CACNA2D3: variants seen among roughly 807,000 people sequenced by gnomAD.
CACNA2D3 encodes the protein calcium voltage-gated channel auxiliary subunit alpha2delta 3.
CACNA2D3 carries 60 observed loss-of-function variants against 160.6 expected under a neutral mutation model. The observed-to-expected ratio is 0.37, with a 90% confidence interval of 0.30 to 0.46. The LOEUF (loss-of-function observed/expected upper bound fraction) is 0.46, where lower values mean the gene tolerates loss of function less well. Among genes scored for constraint, CACNA2D3 ranks in the 20% least tolerant of loss-of-function variants. CACNA2D3 has a pLI of 1.00. For missense variants in CACNA2D3, 1,205 were observed against 1,365.0 expected (o/e 0.88, Z 1.85); for synonymous variants, 558 against 492.9 (o/e 1.13, Z -1.75).
intron 4 of CACNA2D3, among the ~76,000 whole-genome samples, chr3:54,468,008 G>C (rs993446015): frequency 6.6e-6 from 1 of 152,138 alleles, no homozygotes; most frequent in Non-Finnish European, 1.5e-5. Flanking sequence ...CAATTATGAT[G>C]TGTCAATTGT....
chr3:54,977,949 G>A (rs1024754601), intron 29 of CACNA2D3, among the ~76,000 whole-genome samples: 1 of 152,266 alleles, frequency 6.6e-6, no homozygotes, highest in Non-Finnish European at 1.5e-5. Context: ...GCTAAACAAT[G>A]GGTGGATTAT....
intron 9 of CACNA2D3, among the ~76,000 whole-genome samples, chr3:54,612,296 C>T (rs965512396): frequency 1.3e-5 from 2 of 152,210 alleles, no homozygotes; most frequent in Admixed American, 1.3e-4. Flanking sequence ...GGGCCTTCTC[C>T]TGATTGACTG....
At chr3:54,952,833 T>C (rs1259650219) in intron 27 of CACNA2D3, among the ~76,000 whole-genome samples, 1 of 152,150 alleles carries the variant, frequency 6.6e-6, no homozygotes, top group Non-Finnish European at 1.5e-5. Flanking sequence ...TTCCACGTGC[T>C]CTTTGGATGT....
intron 35 of CACNA2D3, among the ~76,000 whole-genome samples, chr3:55,067,508 G>A (rs1051878641): frequency 2.6e-5 from 4 of 152,136 alleles, no homozygotes; most frequent in Non-Finnish European, 5.9e-5. Context: ...TTTCTCTTTT[G>A]TAAAATGGGC....
intron 11 of CACNA2D3, among the ~76,000 whole-genome samples, chr3:54,670,358 T>C (rs927367084): frequency 6.6e-6 from 1 of 152,232 alleles, no homozygotes; most frequent in African/African-American, 2.4e-5. Context: ...AGAACATTTA[T>C]GTCTCATTAC....
chr3:54,611,688 A>G (rs966989849), intron 9 of CACNA2D3, among the ~76,000 whole-genome samples: 11 of 152,190 alleles, frequency 7.2e-5, no homozygotes, highest in African/African-American at 1.9e-4. Flanking sequence ...AAGGGGGTGG[A>G]GTGCAGAGAA....
At chr3:54,811,677 T>C (rs1703322403) in intron 13 of CACNA2D3, among the ~76,000 whole-genome samples, 1 of 151,810 alleles carries the variant, frequency 6.6e-6, no homozygotes, top group South Asian at 2.1e-4. Flanking sequence ...TTTTTTGTAT[T>C]TTTAGTAGAG....
At chr3:54,275,640 C>T (rs1221397487) in intron 2 of CACNA2D3, among the ~76,000 whole-genome samples, 2 of 144,760 alleles carry the variant, frequency 1.4e-5, no homozygotes, top group Admixed American at 6.9e-5. Context: ...TTTTTTGAGA[C>T]AAAGTCTCAC....
intron 5 of CACNA2D3, among the ~76,000 whole-genome samples, chr3:54,552,828 T>C (rs1353195597): frequency 3.3e-5 from 5 of 152,296 alleles, no homozygotes; most frequent in South Asian, 4.1e-4. Context: ...ATTTAAAATA[T>C]ATGAAGGGAG....
chr3:54,442,434 C>T (rs1700159577), intron 4 of CACNA2D3, among the ~76,000 whole-genome samples: 1 of 152,124 alleles, frequency 6.6e-6, no homozygotes, highest in African/African-American at 2.4e-5. Flanking sequence ...AAGATGAAAG[C>T]CACAGACTAA....
chr3:54,234,398 C>T (rs1211477200), intron 2 of CACNA2D3, among the ~76,000 whole-genome samples: 1 of 152,218 alleles, frequency 6.6e-6, no homozygotes, highest in Non-Finnish European at 1.5e-5. Flanking sequence ...AGCACTTATA[C>T]ACTGTCGATG....
chr3:54,629,509 C>A (rs1002457916), intron 10 of CACNA2D3, among the ~76,000 whole-genome samples: 3 of 152,140 alleles, frequency 2.0e-5, no homozygotes, highest in African/African-American at 7.2e-5. Context: ...AGAGAAGGTG[C>A]CAAGTCAACT....
chr3:54,494,262 A>G (rs1701168039), intron 4 of CACNA2D3, among the ~76,000 whole-genome samples: 1 of 152,240 alleles, frequency 6.6e-6, no homozygotes, highest in Non-Finnish European at 1.5e-5. Flanking sequence ...AATGCATTCC[A>G]AAGACTGAGA....
chr3:54,721,578 T>A (rs1701169580), intron 11 of CACNA2D3, among the ~76,000 whole-genome samples: 1 of 151,912 alleles, frequency 6.6e-6, no homozygotes. Context: ...CTGGCCAACA[T>A]GGTGAAACCC....
At chr3:54,894,007 A>ACACTCT (rs1700128012) in intron 25 of CACNA2D3, among the ~76,000 whole-genome samples, 1 of 152,090 alleles carries the variant, frequency 6.6e-6, no homozygotes, top group Non-Finnish European at 1.5e-5. Context: ...GTGTTATGTA[A>ACACTCT]TTCTGATACA....
chr3:54,770,387 C>T (rs971302702), intron 13 of CACNA2D3, among the ~76,000 whole-genome samples: 5 of 152,128 alleles, frequency 3.3e-5, no homozygotes, highest in Non-Finnish European at 2.9e-5. Context: ...GCGATTCTGA[C>T]GATTCAAACA....
intron 35 of CACNA2D3, among the ~76,000 whole-genome samples, chr3:55,038,921 A>G (rs1703896134): frequency 7.0e-6 from 1 of 143,118 alleles, no homozygotes; most frequent in Non-Finnish European, 1.5e-5. Flanking sequence ...CACACTGAAT[A>G]TATAAATATT....
intron 4 of CACNA2D3, among the ~76,000 whole-genome samples, chr3:54,500,133 A>G (rs1418959847): frequency 2.6e-5 from 4 of 152,170 alleles, no homozygotes; most frequent in Non-Finnish European, 5.9e-5. Flanking sequence ...CCTCTTTATC[A>G]TTAAGTAATG....
intron 3 of CACNA2D3, among the ~76,000 whole-genome samples, chr3:54,338,540 G>C (rs528272712): frequency 8.8e-5 from 13 of 147,662 alleles, no homozygotes; most frequent in African/African-American, 3.0e-4. Context: ...TGGGCTAGGA[G>C]AAGATGAGCC....
Sources: allele counts gnomAD v4.1 joint callset (sites outside exome capture counted in the v4.1 genomes callset), GRCh38; gene constraint gnomAD v4.1.1; transcripts MANE v1.5; gene names NCBI Gene and HGNC (gene_info 2026-07-23, HGNC 2026-07-21).